Variants in CERS4 observed in about 807,000 individuals in gnomAD.
CERS4 encodes ceramide synthase 4.
Under a neutral mutation model 51.8 loss-of-function variants are expected in CERS4, and 65 were observed. The observed-to-expected ratio is 1.26, with a 90% CI of 1.03 to 1.54. The LOEUF (loss-of-function observed/expected upper bound fraction) is 1.54, where lower values mean the gene tolerates loss of function less well. Among genes scored for constraint, CERS4 ranks in the 40% most tolerant of loss-of-function variants. The probability of loss-of-function intolerance (pLI) is 0.00; values close to 1 mark genes in which losing one functional copy is unlikely to be tolerated. For synonymous variants in CERS4, 228 were observed against 208.4 expected (o/e 1.09, Z -0.81); for missense variants, 563 against 500.4 (o/e 1.13, Z -1.19).
At position 8,210,543 on chromosome 19, in the gene CERS4, C is replaced by T. The variant is rs1159200474; in HGVS notation, c.-158-163C>T. The T allele has an allele frequency of 6.6e-6, 1 of 152,078 alleles. No individual in the cohort carries two copies. Among genetic ancestry groups the T allele is most frequent in the African/African-American group, 2.4e-5 (1 of 41,208 alleles). The allele number at this position is 152,078 out of a possible 1,614,324, so 9.4% of individuals were successfully genotyped here. A position where few individuals can be genotyped will look rare whatever the true frequency, so the allele number is the denominator to read the frequency against. On this transcript the variant is annotated intron_variant, in intron 1 of 11. Transcript: ENST00000251363. This position sits in a 1 kb window ranked among gnomAD's most constrained non-coding sequence, Gnocchi z 4.2. ...CCAGATGGGGGAATGCTCCCATCGA[C>T]TCCAGTCTGAGCTCAGGCAAGGTCT...
intron 2 of CERS4, among the ~76,000 whole-genome samples, chr19:8,219,741 C>A (rs541449149): frequency 1.2e-4 from 18 of 152,226 alleles, no homozygotes; most frequent in African/African-American, 3.9e-4. Flanking sequence ...ATCGCTTGAA[C>A]CCGGGAGGTG....
chr19:8,256,519 G>A (rs1302247470), intron 7 of CERS4, 99 bp from the exon 8 acceptor site: 2 of 1,197,122 alleles, frequency 1.7e-6, no homozygotes, highest in Non-Finnish European at 2.4e-6. Flanking sequence ...TGGGATTCAA[G>A]TATCCTGGTT....
In CERS4 at chr19:8,255,888, A is replaced by T. The variant is rs771207325; in HGVS notation, c.468+9A>T. The T allele has an allele frequency of 1.2e-6, 2 of 1,613,608 alleles. No individual in the cohort carries two copies. The highest frequency in any genetic ancestry group is 2.2e-5 in the South Asian group (2 of 91,080). ...TCTCGGTCCTGTACCACGTGAGTAT[A>T]CCAGAGTATAGCTGACTGCTCACCT... On this transcript the variant is annotated intron_variant, in intron 6 of 11. Transcript: ENST00000251363.
chr19:8,259,779 G>A (rs1399163922), intron 10 of CERS4, among the ~76,000 whole-genome samples: 1 of 152,138 alleles, frequency 6.6e-6, no homozygotes, highest in East Asian at 1.9e-4. Flanking sequence ...AGGTAATGTA[G>A]GAGTTGTCAG....
At chr19:8,249,394 C>T (rs1968955407) in intron 2 of CERS4, among the ~76,000 whole-genome samples, 1 of 152,080 alleles carries the variant, frequency 6.6e-6, no homozygotes, top group Non-Finnish European at 1.5e-5. Flanking sequence ...TCTTTGGGCT[C>T]CTCAAGCAGG....
At chr19:8,260,839 T>C (rs1252500127) in intron 10 of CERS4, among the ~76,000 whole-genome samples, 1 of 149,372 alleles carries the variant, frequency 6.7e-6, no homozygotes, top group African/African-American at 2.5e-5. Context: ...TAATCCCAGC[T>C]ACTTGGGAGG....
At chr19:8,223,642 C>T (rs956431153) in intron 2 of CERS4, among the ~76,000 whole-genome samples, 1 of 151,508 alleles carries the variant, frequency 6.6e-6, no homozygotes, top group Non-Finnish European at 1.5e-5. Flanking sequence ...CAAAATTAGC[C>T]GGGCGTGGCA....
intron 2 of CERS4, among the ~76,000 whole-genome samples, chr19:8,238,086 T>C (rs912434959): frequency 1.5e-4 from 23 of 152,092 alleles, no homozygotes; most frequent in African/African-American, 5.3e-4. Flanking sequence ...GGCTGGGGAC[T>C]GCTCATTTTT....
rs780130489 is a variant in CERS4, at chr19:8,257,092, T to A, written c.741+15T>A. On this transcript the variant is annotated intron_variant, in intron 9 of 11. Coordinates refer to ENST00000251363, the MANE Select transcript of CERS4 (RefSeq NM_024552.3). ...ACCTGCTGGAGGTGGGCCCGACCCCTGCCTGACCCTTCCCAGCTGCTGTAC... is the reference window on the plus strand; with the variant it reads ...ACCTGCTGGAGGTGGGCCCGACCCCAGCCTGACCCTTCCCAGCTGCTGTAC... 6.3e-7 allele frequency: 1 copy of A among 1,577,354 alleles called. No individual in the cohort carries two copies. Among genetic ancestry groups the A allele is most frequent in the East Asian group, 2.3e-5 (1 of 44,330 alleles).
chr19:8,215,478 CA>C (rs571513195), intron 2 of CERS4, among the ~76,000 whole-genome samples: 114 of 128,456 alleles, frequency 8.9e-4, no homozygotes, highest in Middle Eastern at 4.0e-3. Flanking sequence ...GACTCTGTCT[CA>C]AAAAAAAAAA....
At chr19:8,227,126 CAAAAA>C (rs1006014675) in intron 2 of CERS4, among the ~76,000 whole-genome samples, 1 of 151,326 alleles carries the variant, frequency 6.6e-6, no homozygotes, top group South Asian at 2.1e-4. Flanking sequence ...GAAACTGTCT[CAAAAA>C]AAAGAGAATT....
chr19:8,226,788 T>G (rs7259572), intron 2 of CERS4, among the ~76,000 whole-genome samples: 122,145 of 151,848 alleles, frequency 0.8, 49,170 homozygotes, highest in African/African-American at 0.85. Flanking sequence ...AGGTCAAGAG[T>G]TCGAGACCAG....
At position 8,256,252 on chromosome 19, in the gene CERS4, C is replaced by G. The variant is rs761265090; in HGVS notation, c.485C>G (p.Ala162Gly). Residue 162 changes from alanine to glycine, a missense_variant, in exon 7 of 12, where the codon GCA becomes GGA. Ala to Gly is a moderately conservative substitution (Grantham distance 60). Transcript: ENST00000251363. ...TCCCTGCAGGAGTCATGGCTGTGGG[C>G]ACCAGTAATGTGCTGGGACAGGTAC... is the stretch of plus-strand genomic sequence containing the variant. The part of the protein sequence containing the change: ...SVLYHESWLW[A>G]PVMCWDRYPN... 6.2e-7 allele frequency: 1 copy of G among 1,613,140 alleles called. No homozygotes were observed. Among genetic ancestry groups the G allele is most frequent in the Non-Finnish European group, 8.5e-7 (1 of 1,179,680 alleles).
chr19:8,257,023 G>A lies in CERS4; in HGVS notation c.687G>A (p.Leu229=), dbSNP rs1435527427. The A allele has an allele frequency of 3.8e-5, 61 of 1,613,592 alleles. No individual in the cohort carries two copies. The highest frequency in any genetic ancestry group is 5.0e-5 in the Non-Finnish European group (59 of 1,179,692). Reference sequence around the variant, plus strand: ...CCTTCTCCTACAGTGCCAACCTGCTGCGCATTGGCTCTCTGGTGCTGCTGT... The same window carrying A: ...CCTTCTCCTACAGTGCCAACCTGCTACGCATTGGCTCTCTGGTGCTGCTGT... The part of the protein sequence containing the change: ...LMTFSYSANL[L]RIGSLVLLLH... The change falls in exon 9 of 12, where the codon CTG becomes CTA. Residue 229 remains leucine (L), a synonymous_variant. Transcript: ENST00000251363.
chr19:8,232,760 G>A (rs934292865), intron 2 of CERS4, among the ~76,000 whole-genome samples: 1 of 141,792 alleles, frequency 7.1e-6, no homozygotes, highest in Non-Finnish European at 1.5e-5. Context: ...TCACCCTGTT[G>A]CCCAGGTTAG....
At chr19:8,245,122 A>AAAAACAAAAAAAAAAAAAC (rs1555777239) in intron 2 of CERS4, among the ~76,000 whole-genome samples, 11 of 129,254 alleles carry the variant, frequency 8.5e-5, no homozygotes, top group Non-Finnish European at 1.3e-4. Context: ...AAAAAAAAAA[A>AAAAACAAAAAAAAAAAAAC]AAAAAAAAAA....
At chr19:8,227,795 A>G (rs1967847744) in intron 2 of CERS4, among the ~76,000 whole-genome samples, 1 of 152,146 alleles carries the variant, frequency 6.6e-6, no homozygotes, top group Non-Finnish European at 1.5e-5. Flanking sequence ...ACAGAGAGAA[A>G]GTAGAATGGT....
intron 2 of CERS4, among the ~76,000 whole-genome samples, chr19:8,216,002 C>A (rs994423558): frequency 3.9e-5 from 6 of 152,126 alleles, no homozygotes; most frequent in African/African-American, 1.4e-4. Flanking sequence ...TGGCTCTTCC[C>A]CCTTTCTAGA....
At chr19:8,257,427 C>A (rs954985414) in intron 9 of CERS4, among the ~76,000 whole-genome samples, 1 of 133,204 alleles carries the variant, frequency 7.5e-6, no homozygotes, top group Non-Finnish European at 1.6e-5. Flanking sequence ...TGTGCACACA[C>A]GCATGTATTC....
Sources: gnomAD v4.1 joint callset for allele counts (sites outside exome capture counted in the v4.1 genomes callset) on GRCh38, gnomAD v4.1.1 for gene constraint, Gnocchi (gnomAD v3.1) non-coding constraint, MANE v1.5 for transcripts, NCBI Gene and HGNC (gene_info 2026-07-23, HGNC 2026-07-21) for gene names.